NPAS3: variants seen among roughly 807,000 people sequenced by gnomAD.
The protein encoded by NPAS3 is neuronal PAS domain-containing protein 3.
In NPAS3, 14 loss-of-function variants were observed where a neutral mutation model predicts 73.1. The observed-to-expected ratio is 0.19, with a 90% confidence interval of 0.13 to 0.30. The LOEUF (loss-of-function observed/expected upper bound fraction) is 0.30, where lower values mean the gene tolerates loss of function less well. Among genes scored for constraint, NPAS3 ranks in the 10% least tolerant of loss-of-function variants. The pLI, the probability that NPAS3 is intolerant of heterozygous loss-of-function variation, is 1.00. For synonymous variants in NPAS3, 620 were observed against 541.5 expected (o/e 1.14, Z -2.01); for missense variants, 1,096 against 1,250.0 (o/e 0.88, Z 1.86).
chr14:33,317,676 A>T (rs1279723154), intron 3 of NPAS3, among the ~76,000 whole-genome samples: 1 of 152,046 alleles, frequency 6.6e-6, no homozygotes, highest in African/African-American at 2.4e-5. Flanking sequence ...TGTGTGAAGA[A>T]GGATGTATTT....
intron 2 of NPAS3, among the ~76,000 whole-genome samples, chr14:33,114,505 A>AGAC (rs1322840489): frequency 6.6e-6 from 1 of 152,160 alleles, no homozygotes; most frequent in African/African-American, 2.4e-5. Context: ...GCCTTATGAG[A>AGAC]GACTTGGGTA....
At chr14:33,415,647 G>A (rs139038129) in intron 4 of NPAS3, among the ~76,000 whole-genome samples, 151 of 152,192 alleles carry the variant, frequency 9.9e-4, no homozygotes, top group Middle Eastern at 6.8e-3. Context: ...AATGCCTCTT[G>A]TCTTTACTGT....
chr14:33,067,231 T>G (rs58786911), intron 2 of NPAS3, among the ~76,000 whole-genome samples: 2,841 of 152,332 alleles, frequency 0.019, 72 homozygotes, highest in African/African-American at 0.066. Context: ...GAGGATGGTC[T>G]GTTGAAATCT....
intron 5 of NPAS3, among the ~76,000 whole-genome samples, chr14:33,670,168 T>G (rs1321269777): frequency 6.6e-6 from 1 of 152,224 alleles, no homozygotes; most frequent in Non-Finnish European, 1.5e-5. Context: ...ATGTTTATTT[T>G]TGAAGATAAA....
chr14:33,059,578 G>A (rs998888984), intron 2 of NPAS3, among the ~76,000 whole-genome samples: 1 of 152,072 alleles, frequency 6.6e-6, no homozygotes, highest in African/African-American at 2.4e-5. Context: ...CAAATTTTGG[G>A]CCTCAGACCC....
intron 6 of NPAS3, among the ~76,000 whole-genome samples, chr14:33,711,079 G>C (rs2037558924): frequency 2.6e-5 from 4 of 152,150 alleles, no homozygotes; most frequent in Admixed American, 2.6e-4. Flanking sequence ...TCTACTATTA[G>C]TATTTTTCTT....
At chr14:33,758,706 A>G (rs565127993) in intron 7 of NPAS3, among the ~76,000 whole-genome samples, 27 of 152,222 alleles carry the variant, frequency 1.8e-4, no homozygotes, top group Non-Finnish European at 3.2e-4. Context: ...GATGCAGGGT[A>G]GTTCTACTTT....
At chr14:33,123,170 G>A (rs753706844) in intron 2 of NPAS3, among the ~76,000 whole-genome samples, 1 of 151,994 alleles carries the variant, frequency 6.6e-6, no homozygotes. Context: ...ATCAGAATTA[G>A]TACTGTAAAT....
intron 2 of NPAS3, among the ~76,000 whole-genome samples, chr14:33,170,588 C>G (rs998168420): frequency 1.3e-5 from 2 of 152,244 alleles, no homozygotes; most frequent in Non-Finnish European, 2.9e-5. Context: ...AGGCAATCCT[C>G]TCAAATCCTG....
chr14:33,123,788 A>G (rs1242864152), intron 2 of NPAS3, among the ~76,000 whole-genome samples: 1 of 152,076 alleles, frequency 6.6e-6, no homozygotes. Context: ...GCAGCCTTAA[A>G]ATCAATTAGT....
At chr14:33,400,211 T>C (rs2047391480) in intron 4 of NPAS3, among the ~76,000 whole-genome samples, 1 of 152,146 alleles carries the variant, frequency 6.6e-6, no homozygotes, top group South Asian at 2.1e-4. Context: ...CCTTTTTAAA[T>C]TCATCATACA....
chr14:33,591,070 G>A (rs904053594), intron 5 of NPAS3, among the ~76,000 whole-genome samples: 2 of 152,136 alleles, frequency 1.3e-5, no homozygotes, highest in Admixed American at 6.5e-5. Context: ...GGAAGTGCTT[G>A]TTAAGAACAT....
At chr14:33,697,169 C>T (rs80345675) in intron 6 of NPAS3, among the ~76,000 whole-genome samples, 3,132 of 152,192 alleles carry the variant, frequency 0.021, 85 homozygotes, top group African/African-American at 0.072. Context: ...TGTCACCAAC[C>T]CTGGATATCC....
Position 33,800,029 on chromosome 14 carries a change from A to G in NPAS3, c.1722A>G (p.Ser574=), listed in dbSNP as rs1849601968. The G allele has an allele frequency of 6.2e-7, 1 of 1,610,370 alleles. No homozygotes were observed. Among genetic ancestry groups the G allele is most frequent in the Non-Finnish European group, 8.5e-7 (1 of 1,179,688 alleles). ...ACCTGCGGCTGCAGAACTGCGAGTC[A>G]CTCACGTCCGACAGCGCCAAGGACT... Residue 574 remains serine (S), a synonymous_variant, in exon 12 of 12, where the codon TCA becomes TCG. Coordinates refer to ENST00000356141, the Ensembl canonical transcript of NPAS3. The surrounding 1 kb of genome is among the most constrained non-coding windows in gnomAD (Gnocchi z 6.5).
intron 4 of NPAS3, among the ~76,000 whole-genome samples, chr14:33,542,119 G>A (rs2054550039): frequency 6.6e-6 from 1 of 152,078 alleles, no homozygotes; most frequent in Non-Finnish European, 1.5e-5. Flanking sequence ...AGTTTTGCTG[G>A]CCAGAAACTC....
chr14:33,553,564 G>A (rs2055220165), intron 4 of NPAS3, among the ~76,000 whole-genome samples: 1 of 152,156 alleles, frequency 6.6e-6, no homozygotes, highest in African/African-American at 2.4e-5. Flanking sequence ...TTGTGATTGG[G>A]AAACATGTGG....
At chr14:33,329,812 G>A (rs1471640834) in intron 3 of NPAS3, among the ~76,000 whole-genome samples, 1 of 151,552 alleles carries the variant, frequency 6.6e-6, no homozygotes, top group African/African-American at 2.4e-5. Flanking sequence ...TAAAAGTGGA[G>A]TGTGTGTGTG....
At chr14:33,039,780 T>C (rs2040290346) in intron 1 of NPAS3, among the ~76,000 whole-genome samples, 1 of 152,224 alleles carries the variant, frequency 6.6e-6, no homozygotes, top group African/African-American at 2.4e-5. Context: ...ACACTTTCAA[T>C]AGCAGGCATG....
intron 1 of NPAS3, among the ~76,000 whole-genome samples, chr14:32,990,398 A>G (rs898738118): frequency 6.6e-6 from 1 of 152,212 alleles, no homozygotes; most frequent in Non-Finnish European, 1.5e-5. Flanking sequence ...AGTGGCACAA[A>G]CAACTCTTTT....
Sources: allele counts gnomAD v4.1 joint callset (sites outside exome capture counted in the v4.1 genomes callset), GRCh38; gene constraint gnomAD v4.1.1; non-coding constraint Gnocchi (gnomAD v3.1); transcripts MANE v1.5; gene names NCBI Gene and HGNC (gene_info 2026-07-23, HGNC 2026-07-21).